The following SGCZ variants were observed in gnomAD, a reference collection of about 807,000 sequenced individuals.
SGCZ encodes zeta-sarcoglycan.
Under a neutral mutation model 41.3 loss-of-function variants are expected in SGCZ, and 40 were observed. That is an observed-to-expected ratio of 0.97 (90% confidence interval 0.75 to 1.26). SGCZ has a LOEUF of 1.26. SGCZ is among the 50% of genes most tolerant of loss of function. SGCZ has a pLI of 0.00. For synonymous variants in SGCZ, 206 were observed against 137.5 expected (o/e 1.50, Z -3.49); for missense variants, 552 against 369.8 (o/e 1.49, Z -4.04).
At chr8:14,574,267 ACTTT>A in intron 1 of SGCZ, among the ~76,000 whole-genome samples, 1 of 152,132 alleles carries the variant, frequency 6.6e-6, no homozygotes, top group East Asian at 1.9e-4. Context: ...ATTCTTGCTG[ACTTT>A]GTCCTACCCT....
At chr8:14,201,700 G>A (rs910878570) in intron 4 of SGCZ, among the ~76,000 whole-genome samples, 1 of 152,164 alleles carries the variant, frequency 6.6e-6, no homozygotes, top group African/African-American at 2.4e-5. Context: ...TGTGGTTGTA[G>A]TTATTTGACT....
At chr8:15,075,678 C>T (rs59347548) in intron 1 of SGCZ, among the ~76,000 whole-genome samples, 2,322 of 152,232 alleles carry the variant, frequency 0.015, 46 homozygotes, top group African/African-American at 0.052. Flanking sequence ...CTGTCTATTA[C>T]TCCAGGCACT....
chr8:14,849,421 G>A (rs777950717), intron 1 of SGCZ, among the ~76,000 whole-genome samples: 8 of 150,600 alleles, frequency 5.3e-5, no homozygotes, highest in East Asian at 3.9e-4. Flanking sequence ...ACCTAAAGCC[G>A]GAAACAACAG....
At chr8:14,887,746 TCA>T (rs1804864661) in intron 1 of SGCZ, among the ~76,000 whole-genome samples, 1 of 152,144 alleles carries the variant, frequency 6.6e-6, no homozygotes, top group South Asian at 2.1e-4. Context: ...TTAAATAAAC[TCA>T]CTAGAAATGT....
At chr8:15,168,076 C>T (rs1799717178) in intron 1 of SGCZ, among the ~76,000 whole-genome samples, 1 of 152,238 alleles carries the variant, frequency 6.6e-6, no homozygotes, top group Admixed American at 6.5e-5. Flanking sequence ...CCTTTCCTCT[C>T]TCTTGTTGGA....
chr8:14,239,915 A>C (rs1173462878), intron 3 of SGCZ, among the ~76,000 whole-genome samples: 896 of 86,142 alleles, frequency 0.01, 54 homozygotes, highest in African/African-American at 0.02. Context: ...AAAAAAAAAA[A>C]AAAAAAAAAA....
At chr8:14,240,352 A>ATAAATAAAT (rs1563205605) in intron 3 of SGCZ, among the ~76,000 whole-genome samples, 98 of 99,850 alleles carry the variant, frequency 9.8e-4, no homozygotes, top group African/African-American at 3.1e-3. Flanking sequence ...AAAAAAAAAA[A>ATAAATAAAT]AAAGAACTGA....
chr8:14,444,995 A>G (rs1445703595), intron 2 of SGCZ, among the ~76,000 whole-genome samples: 1 of 152,108 alleles, frequency 6.6e-6, no homozygotes, highest in Non-Finnish European at 1.5e-5. Context: ...TGACTCCATT[A>G]CTTTCCCCTG....
chr8:14,633,673 A>G (rs545051833), intron 1 of SGCZ, among the ~76,000 whole-genome samples: 30 of 151,996 alleles, frequency 2.0e-4, no homozygotes, highest in African/African-American at 7.2e-4. Flanking sequence ...TTATTTGTAT[A>G]CCTCTAATTT....
At chr8:14,508,250 T>C (rs1802366683) in intron 2 of SGCZ, among the ~76,000 whole-genome samples, 1 of 152,194 alleles carries the variant, frequency 6.6e-6, no homozygotes, top group African/African-American at 2.4e-5. Flanking sequence ...TGGACTCTTT[T>C]GCTCCCTGTT....
intron 1 of SGCZ, among the ~76,000 whole-genome samples, chr8:15,186,359 T>C (rs1053355180): frequency 9.5e-5 from 14 of 148,116 alleles, no homozygotes; most frequent in Non-Finnish European, 1.9e-4. Flanking sequence ...ATAACGCTGA[T>C]ATAAATACTG....
At chr8:14,144,987 T>C (rs1803479411) in intron 5 of SGCZ, among the ~76,000 whole-genome samples, 1 of 152,162 alleles carries the variant, frequency 6.6e-6, no homozygotes, top group Admixed American at 6.6e-5. Flanking sequence ...GGTAGACTTC[T>C]AAGGTTTTTA....
intron 7 of SGCZ, among the ~76,000 whole-genome samples, chr8:14,096,075 C>G (rs753766406): frequency 6.6e-6 from 1 of 152,082 alleles, no homozygotes; most frequent in Non-Finnish European, 1.5e-5. Flanking sequence ...TTCCTGTATT[C>G]TTAATTGAAA....
chr8:15,166,648 A>G (rs1271063184), intron 1 of SGCZ, among the ~76,000 whole-genome samples: 3 of 152,234 alleles, frequency 2.0e-5, no homozygotes, highest in African/African-American at 7.2e-5. Context: ...AGTATATGCT[A>G]TCAATCATAA....
intron 2 of SGCZ, among the ~76,000 whole-genome samples, chr8:14,394,535 A>G (rs1012548437): frequency 6.6e-6 from 1 of 152,142 alleles, no homozygotes; most frequent in South Asian, 2.1e-4. Flanking sequence ...CTTGAGACAA[A>G]GTTTGATTCC....
At chr8:14,789,248 T>C (rs1208101901) in intron 1 of SGCZ, among the ~76,000 whole-genome samples, 2 of 152,110 alleles carry the variant, frequency 1.3e-5, no homozygotes, top group Non-Finnish European at 2.9e-5. Flanking sequence ...AAATATACCA[T>C]GAAAAAATGT....
intron 1 of SGCZ, among the ~76,000 whole-genome samples, chr8:14,918,171 A>G (rs1283017884): frequency 2.2e-4 from 33 of 152,030 alleles, no homozygotes; most frequent in Non-Finnish European, 2.4e-4. Flanking sequence ...TTTCTTCTCC[A>G]TTTTCTTTAG....
chr8:15,134,311 T>TTG (rs957466494), intron 1 of SGCZ, among the ~76,000 whole-genome samples: 3 of 151,064 alleles, frequency 2.0e-5, no homozygotes, highest in Admixed American at 2.0e-4. Flanking sequence ...GGTCTTTTTT[T>TTG]TTTTTGTTTC....
intron 1 of SGCZ, among the ~76,000 whole-genome samples, chr8:14,813,001 T>C (rs999398235): frequency 1.3e-5 from 2 of 152,198 alleles, no homozygotes; most frequent in African/African-American, 4.8e-5. Flanking sequence ...TATATCTCAG[T>C]AAATCTGAAG....
Sources: gnomAD v4.1 joint callset for allele counts (sites outside exome capture counted in the v4.1 genomes callset) on GRCh38, gnomAD v4.1.1 for gene constraint, MANE v1.5 for transcripts, NCBI Gene and HGNC (gene_info 2026-07-23, HGNC 2026-07-21) for gene names.